WDR1: variants seen among roughly 807,000 people sequenced by gnomAD.
WDR1 encodes WD repeat-containing protein 1.
A neutral mutation model predicts 71.9 loss-of-function variants in WDR1; 21 were observed. The ratio of observed to expected loss-of-function variants is 0.29; its 90% CI spans 0.21 to 0.42. The LOEUF (loss-of-function observed/expected upper bound fraction) is 0.42. Among genes scored for constraint, WDR1 ranks in the 10% least tolerant of loss-of-function variants. The pLI is 1.00. For missense variants in WDR1, 696 were observed against 824.5 expected (o/e 0.84, Z 1.91); for synonymous variants, 424 against 347.4 (o/e 1.22, Z -2.45).
chr4:10,081,665 G>T (rs1560529293), intron 10 of WDR1, among the ~76,000 whole-genome samples: 4 of 64,004 alleles, frequency 6.2e-5, no homozygotes, highest in Admixed American at 1.8e-4. Context: ...GGGAGGGGTG[G>T]GGGGGGGGGA....
At chr4:10,079,098 C>CCAAACCCAGCTCCAG in intron 11 of WDR1, 97 bp from the exon 12 acceptor site, 1 of 995,896 alleles carries the variant, frequency 1.0e-6, no homozygotes, top group Non-Finnish European at 1.5e-6. Flanking sequence ...CTCACTGGAG[C>CCAAACCCAGCTCCAG]TGGGTTTGGC....
chr4:10,090,948 G>C (rs148914934), intron 5 of WDR1, among the ~76,000 whole-genome samples: 158 of 152,376 alleles, frequency 1.0e-3, no homozygotes, highest in African/African-American at 3.7e-3. Context: ...CACCGCCCAA[G>C]AGGACAGGGA....
intron 9 of WDR1, 79 bp downstream of exon 9, chr4:10,084,364 G>C (rs2109648355): frequency 1.5e-6 from 2 of 1,371,766 alleles, no homozygotes; most frequent in South Asian, 1.2e-5. Context: ...TGGCTGGCCT[G>C]GCCTCTGGCA....
At chr4:10,115,133 T>G (rs780485783) in intron 2 of WDR1, among the ~76,000 whole-genome samples, 1 of 152,182 alleles carries the variant, frequency 6.6e-6, no homozygotes, top group Non-Finnish European at 1.5e-5. Context: ...TACATCTTTG[T>G]GCCAGCCGCC....
At chr4:10,103,349 T>G (rs1009698124) in intron 3 of WDR1, among the ~76,000 whole-genome samples, 9 of 150,900 alleles carry the variant, frequency 6.0e-5, no homozygotes, top group African/African-American at 1.5e-4. Flanking sequence ...CAACATACCA[T>G]GCCATGGCTT....
chr4:10,075,634 G>A (rs1764771391), intron 14 of WDR1, 150 bp from the exon 15 acceptor site: 4 of 697,844 alleles, frequency 5.7e-6, no homozygotes, highest in Non-Finnish European at 9.9e-6. Flanking sequence ...GCCTGGCACG[G>A]TGGCAGTGTG....
intron 2 of WDR1, among the ~76,000 whole-genome samples, chr4:10,109,597 G>T (rs1392277645): frequency 2.0e-5 from 3 of 152,192 alleles, no homozygotes; most frequent in Non-Finnish European, 4.4e-5. Context: ...CTCAGCCTCA[G>T]ATGCCTTGAA....
At chr4:10,079,682 T>C (rs952917946) in intron 11 of WDR1, among the ~76,000 whole-genome samples, 5 of 152,234 alleles carry the variant, frequency 3.3e-5, no homozygotes, top group Non-Finnish European at 4.4e-5. Context: ...TTTATCCCAG[T>C]GTGCCCCTAC....
chr4:10,103,836 G>C (rs559635652), intron 3 of WDR1, 60 bp downstream of exon 3: 97 of 1,170,110 alleles, frequency 8.3e-5, no homozygotes, highest in Middle Eastern at 6.4e-4. Context: ...GCTTCGCCCT[G>C]GGCCCTGAGC....
chr4:10,077,187 C>G, intron 14 of WDR1, 117 bp downstream of exon 14: 1 of 1,370,146 alleles, frequency 7.3e-7, no homozygotes, highest in Non-Finnish European at 9.9e-7. Flanking sequence ...GGCCACCTGT[C>G]TAGAAGCACA....
intron 5 of WDR1, among the ~76,000 whole-genome samples, chr4:10,094,230 T>A (rs138450157): frequency 4.6e-5 from 7 of 152,278 alleles, no homozygotes; most frequent in Non-Finnish European, 8.8e-5. Flanking sequence ...AGACACAAAC[T>A]ATCCAGTGCA....
In WDR1 at chr4:10,099,151, A is replaced by G. The variant is rs749658560; in HGVS notation, c.230-12T>C. The G allele has an allele frequency of 1.8e-5, 10 of 564,280 alleles. No homozygotes were observed. Among genetic ancestry groups the G allele is most frequent in the East Asian group, 1.8e-4 (2 of 10,916 alleles). 35.0% of individuals were successfully genotyped at this position (564,280 alleles called of 1,614,324 possible). A position where few individuals can be genotyped will look rare whatever the true frequency, so the allele number is the denominator to read the frequency against. On this transcript the variant is annotated splice_polypyrimidine_tract_variant and intron_variant, in intron 3 of 14. Coordinates refer to ENST00000499869, the MANE Select transcript of WDR1 (RefSeq NM_017491.5). ...CTTCCCAGACACATCTGTGGGGCAC[A>G]GCGGGCGGGGGAGGGGGGGAGGCGG...
At chr4:10,089,816 G>C (rs924102107) in intron 5 of WDR1, among the ~76,000 whole-genome samples, 2 of 152,228 alleles carry the variant, frequency 1.3e-5, no homozygotes, top group Non-Finnish European at 2.9e-5. Context: ...ACCTGTGTGG[G>C]GGACCTGCCT....
At chr4:10,086,331 G>T (rs368704090) in intron 8 of WDR1, among the ~76,000 whole-genome samples, 2 of 152,240 alleles carry the variant, frequency 1.3e-5, no homozygotes, top group South Asian at 2.1e-4. Context: ...CTCTATCCTC[G>T]AGGCCACGTC....
intron 5 of WDR1, among the ~76,000 whole-genome samples, chr4:10,090,405 A>C (rs977572691): frequency 3.9e-5 from 6 of 152,234 alleles, no homozygotes; most frequent in Non-Finnish European, 7.3e-5. Flanking sequence ...AAAGTCCGTC[A>C]GAGTCAGCAG....
intron 2 of WDR1, among the ~76,000 whole-genome samples, chr4:10,115,503 G>A (rs1713656919): frequency 6.6e-6 from 1 of 152,210 alleles, no homozygotes; most frequent in Non-Finnish European, 1.5e-5. Context: ...TGCCATACTG[G>A]AAGACCAGGG....
rs548288046 is a variant in WDR1 at position 10,088,976 on chromosome 4, A to G, written c.559-235T>C. 2.6e-5 allele frequency among the ~76,000 whole-genome samples: 4 copies of G among 152,316 alleles called. No homozygotes were observed. In the East Asian group the frequency reaches 7.7e-4, roughly 29 times the overall value. Reference sequence around the variant, plus strand: ...GCTCTACCTGCTGGGAAAGCTGATTAGCCCGAGCGAAGGCAGACCACCTCC... The same window carrying G: ...GCTCTACCTGCTGGGAAAGCTGATTGGCCCGAGCGAAGGCAGACCACCTCC... On this transcript the variant is annotated intron_variant, in intron 5 of 14. Coordinates refer to ENST00000499869, the MANE Select transcript of WDR1 (RefSeq NM_017491.5).
Position 10,084,475 on chromosome 4 carries a change from T to A in WDR1, c.1007A>T (p.Tyr336Phe). 6.2e-7 allele frequency: 1 copy of A among 1,613,914 alleles called. No homozygotes were observed. The highest frequency in any genetic ancestry group is 8.5e-7 in the Non-Finnish European group (1 of 1,179,820). ...TCCGTCGTGGCTCCCAGAGTAAATG[T>A]AGGACTTGCCGCCGTTTTTATGCAC... is the stretch of plus-strand genomic sequence containing the variant. ...LTVHKNGGKSYIYSGSHDGHI... is the reference protein window; with the variant it reads ...LTVHKNGGKSFIYSGSHDGHI... The change falls in exon 9 of 15, where the codon TAC (tyrosine) becomes TTC (phenylalanine). Residue 336 changes from tyrosine to phenylalanine, a missense_variant. Transcript: ENST00000499869.
intron 11 of WDR1, among the ~76,000 whole-genome samples, chr4:10,080,662 C>T (rs1203048537): frequency 6.6e-6 from 1 of 152,250 alleles, no homozygotes; most frequent in African/African-American, 2.4e-5. Context: ...CCTAGGCCCG[C>T]CAACAGATAA....
Sources: gnomAD v4.1 joint callset for allele counts (sites outside exome capture counted in the v4.1 genomes callset) on GRCh38, gnomAD v4.1.1 for gene constraint, MANE v1.5 for transcripts, NCBI Gene and HGNC (gene_info 2026-07-23, HGNC 2026-07-21) for gene names.